LIPT1: variants seen among roughly 807,000 people sequenced by gnomAD.
The protein encoded by LIPT1 is lipoyl amidotransferase LIPT1, mitochondrial.
A neutral mutation model predicts 25.1 loss-of-function variants in LIPT1; 22 were observed. The observed-to-expected ratio is 0.88, with a 90% CI of 0.63 to 1.25. LIPT1 has a LOEUF of 1.25. LIPT1 is among the 50% of genes most tolerant of loss of function. The pLI, the probability that LIPT1 is intolerant of heterozygous loss-of-function variation, is 0.00. For synonymous variants in LIPT1, 131 were observed against 150.8 expected (o/e 0.87, Z 0.96); for missense variants, 399 against 432.8 (o/e 0.92, Z 0.69).
Position 99,162,619 on chromosome 2 carries a change from C to G in LIPT1, c.662C>G (p.Thr221Ser), listed in dbSNP as rs538516568. 1 of 1,614,138 alleles carries G rather than the reference C, an allele frequency of 6.2e-7. No homozygotes were observed. Among genetic ancestry groups the G allele is most frequent in the South Asian group, 1.1e-5 (1 of 91,090 alleles). ...AAAAATCTTTTGGAAAAGGATCCCA[C>G]TCTGACCTGTGAAGTACTAATGAAT... ...LVKNLLEKDP[T>S]LTCEVLMNAV... Residue 221 changes from threonine (T) to serine (S), a missense_variant, in exon 2 of 2, where the codon ACT becomes AGT. By Grantham distance (58) the Thr-to-Ser change is moderately conservative. Coordinates refer to ENST00000651691, the MANE Select transcript of LIPT1 (RefSeq NM_145199.3).
rs1258093980 is a variant in LIPT1 at position 99,162,230 on chromosome 2, A to C, written c.273A>C (p.Glu91Asp). 1 of 1,613,996 alleles carries C rather than the reference A, an allele frequency of 6.2e-7. No homozygotes were observed. Among genetic ancestry groups the C allele is most frequent in the Non-Finnish European group, 8.5e-7 (1 of 1,180,024 alleles). ...WQECNLNLMR[E>D]EGIKLARRRS... ...AATGTAACCTGAATCTAATGAGAGA[A>C]GAAGGTATAAAACTGGCTCGGAGAA... The change falls in exon 2 of 2, where the codon GAA becomes GAC. Residue 91 changes from glutamate (E) to aspartate (D), a missense_variant. Transcript: ENST00000651691.
At position 99,161,921 on chromosome 2, in the gene LIPT1, C is replaced by T. The variant is rs776205421; in HGVS notation, c.-1-36C>T. 1.7e-5 allele frequency: 25 copies of T among 1,495,826 alleles called. 1 individual carries two copies. Among genetic ancestry groups the T allele is most frequent in the Middle Eastern group, 3.6e-4 (2 of 5,622 alleles). The allele number at this position is 1,495,826 out of a possible 1,614,324, so 92.7% of individuals were successfully genotyped here. A position where few individuals can be genotyped will look rare whatever the true frequency, so the allele number is the denominator to read the frequency against. On this transcript the variant is annotated intron_variant, in intron 1 of 1. Transcript: ENST00000651691. ...AAATAGAATTTAATGTTCCTTTTCTCGATGAATTAATTTGTTTGTCTTCCA... is the reference window on the plus strand; with the variant it reads ...AAATAGAATTTAATGTTCCTTTTCTTGATGAATTAATTTGTTTGTCTTCCA...
Position 99,162,866 on chromosome 2 carries a change from G to A in LIPT1, c.909G>A (p.Lys303=), listed in dbSNP as rs2093807961. The change falls in exon 2 of 2, where the codon AAG becomes AAA. Residue 303 remains lysine, a synonymous_variant. Transcript: ENST00000651691. The stretch of plus-strand genomic sequence containing the variant: ...AAATTAAAGTATTCATAGACATAAA[G>A]AATGGAAGAATTGAAATTTGTAATA... ...HLEIKVFIDI[K]NGRIEICNIE... 1 of 1,612,578 alleles carries A rather than the reference G, an allele frequency of 6.2e-7. No homozygotes were observed. Among genetic ancestry groups the A allele is most frequent in the African/African-American group, 1.3e-5 (1 of 74,846 alleles).
Position 99,162,614 on chromosome 2 carries a change from T to A in LIPT1, c.657T>A (p.Asp219Glu), listed in dbSNP as rs1353302636. ...PSLVKNLLEKDPTLTCEVLMN... is the reference protein window; with the variant it reads ...PSLVKNLLEKEPTLTCEVLMN... ...TAGTGAAAAATCTTTTGGAAAAGGA[T>A]CCCACTCTGACCTGTGAAGTACTAA... Residue 219 changes from aspartate (D) to glutamate (E), a missense_variant, in exon 2 of 2, where the codon GAT becomes GAA. Coordinates refer to ENST00000651691, the MANE Select transcript of LIPT1 (RefSeq NM_145199.3). 2 of 1,614,096 alleles carry A rather than the reference T, an allele frequency of 1.2e-6. No individual in the cohort carries two copies.
Position 99,162,111 on chromosome 2 carries a change from C to A in LIPT1, c.154C>A (p.His52Asn). ...YQNLAVEDWI[H>N]DHMNLEGKPI... ...AAATCTGGCTGTGGAAGACTGGATC[C>A]ATGACCATATGAATCTAGAAGGCAA... Residue 52 changes from histidine to asparagine, a missense_variant, in exon 2 of 2, where the codon CAT becomes AAT. Coordinates refer to ENST00000651691, the MANE Select transcript of LIPT1 (RefSeq NM_145199.3). The A allele has an allele frequency of 6.2e-7, 1 of 1,614,080 alleles. No homozygotes were observed. Among genetic ancestry groups the A allele is most frequent in the Non-Finnish European group, 8.5e-7 (1 of 1,180,004 alleles).
chr2:99,159,772 C>T (rs932328079), intron 1 of LIPT1, among the ~76,000 whole-genome samples: 1 of 152,126 alleles, frequency 6.6e-6, no homozygotes, highest in Non-Finnish European at 1.5e-5. Flanking sequence ...AATGCAGTCT[C>T]GGTTGCGAGG....
rs753362174 is a variant in LIPT1 at position 99,162,604 on chromosome 2, T to C, written c.647T>C (p.Leu216Ser). The C allele has an allele frequency of 1.2e-6, 2 of 1,614,038 alleles. No individual in the cohort carries two copies. Among genetic ancestry groups the C allele is most frequent in the Non-Finnish European group, 1.7e-6 (2 of 1,180,042 alleles). Residue 216 changes from leucine (L) to serine (S), a missense_variant, in exon 2 of 2, where the codon TTG becomes TCG. By Grantham distance (145) the Leu-to-Ser change is moderately radical. Coordinates refer to ENST00000651691, the MANE Select transcript of LIPT1 (RefSeq NM_145199.3). ...ASIPSLVKNL[L>S]EKDPTLTCEV... ...ATACCTTCCTTAGTGAAAAATCTTT[T>C]GGAAAAGGATCCCACTCTGACCTGT...
At chr2:99,156,199 A>G (rs1402014995) in intron 1 of LIPT1, 2 of 152,276 alleles carry the variant, frequency 1.3e-5, no homozygotes, top group Non-Finnish European at 2.9e-5. Context: ...TGCCTTTTTA[A>G]TGAGGCTTAG....
intron 1 of LIPT1, chr2:99,155,591 G>A (rs561897189): frequency 3.3e-5 from 15 of 453,922 alleles, no homozygotes; most frequent in South Asian, 2.3e-4. Context: ...AGTCATTAAA[G>A]GGTGAGAGTA....
chr2:99,158,797 G>A (rs995072200), intron 1 of LIPT1, among the ~76,000 whole-genome samples: 66 of 152,108 alleles, frequency 4.3e-4, no homozygotes, highest in African/African-American at 1.1e-3. Flanking sequence ...ATTAGATGGC[G>A]CTCTACTGTA....
chr2:99,157,361 C>T (rs995409146), intron 1 of LIPT1, among the ~76,000 whole-genome samples: 1 of 152,206 alleles, frequency 6.6e-6, no homozygotes, highest in African/African-American at 2.4e-5. Context: ...CTCCCTTCTC[C>T]AGTGTTGCCC....
At chr2:99,161,125 C>T (rs180865468) in intron 1 of LIPT1, among the ~76,000 whole-genome samples, 323 of 150,632 alleles carry the variant, frequency 2.1e-3, no homozygotes, top group Non-Finnish European at 2.1e-3. Context: ...TTTAGCCACA[C>T]GTGGTGGCAG....
intron 1 of LIPT1, among the ~76,000 whole-genome samples, chr2:99,157,544 C>A (rs954573798): frequency 1.3e-5 from 2 of 152,326 alleles, no homozygotes; most frequent in Non-Finnish European, 2.9e-5. Flanking sequence ...CTGGTTCTTA[C>A]CAAGATCACT....
chr2:99,158,868 A>C (rs2093768911), intron 1 of LIPT1, among the ~76,000 whole-genome samples: 1 of 152,274 alleles, frequency 6.6e-6, no homozygotes, highest in South Asian at 2.1e-4. Flanking sequence ...CTTGTTTTTT[A>C]GTATCTCCCA....
At chr2:99,161,829 A>C (rs1401788542) in intron 1 of LIPT1, 128 bp from the exon 2 acceptor site, 2 of 743,546 alleles carry the variant, frequency 2.7e-6, no homozygotes, top group Admixed American at 6.1e-5. Context: ...TTGTAAAGCT[A>C]AAAGCCAAAA....
chr2:99,155,248 G>T, intron 1 of LIPT1, 197 bp downstream of exon 1: 1 of 368,988 alleles, frequency 2.7e-6, no homozygotes, highest in Non-Finnish European at 5.4e-6. Flanking sequence ...AGGAACGGTT[G>T]ATCCCGAACA....
intron 1 of LIPT1, 182 bp from the exon 2 acceptor site, chr2:99,161,775 T>C (rs936782428): frequency 4.1e-6 from 2 of 488,330 alleles, no homozygotes; most frequent in Non-Finnish European, 7.2e-6. Flanking sequence ...TTTGTCTTCA[T>C]TTATTTCTTT....
At chr2:99,157,427 C>T (rs1423553277) in intron 1 of LIPT1, among the ~76,000 whole-genome samples, 10 of 152,172 alleles carry the variant, frequency 6.6e-5, no homozygotes, top group Non-Finnish European at 1.0e-4. Flanking sequence ...CATCTTAAGT[C>T]CTCTCCTAAC....
rs2093735019 is a variant in LIPT1 at position 99,155,016 on chromosome 2, C to G, written c.-37C>G. 2.2e-6 allele frequency: 1 copy of G among 456,028 alleles called. No individual in the cohort carries two copies. The highest frequency in any genetic ancestry group is 1.5e-5 in the South Asian group (1 of 64,558). 28.2% of individuals were successfully genotyped at this position (456,028 alleles called of 1,614,324 possible). On this transcript the variant is annotated 5_prime_UTR_variant, in exon 1 of 2. Coordinates refer to ENST00000651691, the MANE Select transcript of LIPT1 (RefSeq NM_145199.3). ...GTATGACGCACTTTTCCAGCTCGAG[C>G]CCTCACGAGGCCGTGGGTACGACCG...
Sources: allele counts gnomAD v4.1 joint callset (sites outside exome capture counted in the v4.1 genomes callset), GRCh38; gene constraint gnomAD v4.1.1; transcripts MANE v1.5; gene names NCBI Gene and HGNC (gene_info 2026-07-23, HGNC 2026-07-21).